Variants in PTPRT observed in about 807,000 individuals in gnomAD.
The protein encoded by PTPRT is receptor-type tyrosine-protein phosphatase T.
PTPRT carries 56 observed loss-of-function variants against 176.8 expected under a neutral mutation model. The ratio of observed to expected loss-of-function variants is 0.32; its 90% CI spans 0.26 to 0.40. The LOEUF is 0.40. Ranked by LOEUF, PTPRT falls within the 10% of genes least tolerant of loss-of-function variation. The pLI is 1.00. For missense variants in PTPRT, 1,540 were observed against 1,908.2 expected (o/e 0.81, Z 3.60); for synonymous variants, 783 against 739.0 (o/e 1.06, Z -0.96).
At chr20:43,133,123 G>T (rs2013700161) in intron 1 of PTPRT, among the ~76,000 whole-genome samples, 1 of 152,144 alleles carries the variant, frequency 6.6e-6, no homozygotes, top group African/African-American at 2.4e-5. Flanking sequence ...GGGGGTTCTG[G>T]AAATGTTCTA....
chr20:43,112,521 T>G (rs1488275111), intron 1 of PTPRT, among the ~76,000 whole-genome samples: 1 of 152,088 alleles, frequency 6.6e-6, no homozygotes, highest in Admixed American at 6.6e-5. Context: ...ATAATGAAAT[T>G]TGAGACTATG....
At position 42,811,149 on chromosome 20, in the gene PTPRT, T is replaced by C. The variant is rs142429959; in HGVS notation, c.215-19683A>G. ...TATTGTTATTGGGAAATGATACATATTCATTTTGAGGAATTCAAGAAATGC... is the reference window on the plus strand; with the variant it reads ...TATTGTTATTGGGAAATGATACATACTCATTTTGAGGAATTCAAGAAATGC... On this transcript the variant is annotated intron_variant, in intron 2 of 30. Coordinates refer to ENST00000373187, the MANE Select transcript of PTPRT (RefSeq NM_007050.6). Among the ~76,000 whole-genome samples, 16 of 152,316 alleles carry C rather than the reference T, an allele frequency of 1.1e-4. No homozygotes were observed. The East Asian group carries it at 3.1e-3, about 29-fold the overall frequency.
At chr20:43,070,278 C>A (rs922412543) in intron 1 of PTPRT, among the ~76,000 whole-genome samples, 1 of 152,094 alleles carries the variant, frequency 6.6e-6, no homozygotes, top group African/African-American at 2.4e-5. Context: ...CAATGAGATA[C>A]CATCTCACAC....
chr20:42,151,158 A>T (rs1174468325), intron 17 of PTPRT, among the ~76,000 whole-genome samples: 1 of 151,536 alleles, frequency 6.6e-6, no homozygotes, highest in Non-Finnish European at 1.5e-5. Context: ...TACTTTAAGT[A>T]AGTTCTGGGA....
chr20:42,598,499 G>A (rs1425418432), intron 7 of PTPRT, among the ~76,000 whole-genome samples: 4 of 152,162 alleles, frequency 2.6e-5, no homozygotes, highest in Non-Finnish European at 4.4e-5. Context: ...ATATAGATGA[G>A]AAGAAGAAAA....
chr20:42,504,982 T>C (rs1489762856), intron 7 of PTPRT, among the ~76,000 whole-genome samples: 4 of 152,236 alleles, frequency 2.6e-5, no homozygotes, highest in Non-Finnish European at 4.4e-5. Flanking sequence ...AGGTCCGATA[T>C]TCTGGGAGCT....
intron 16 of PTPRT, among the ~76,000 whole-genome samples, chr20:42,195,459 A>G (rs1369141568): frequency 2.0e-5 from 3 of 152,134 alleles, no homozygotes; most frequent in Admixed American, 1.3e-4. Flanking sequence ...TCTCATCTCC[A>G]GTGTAAGCAT....
chr20:42,196,744 T>C (rs974212779), intron 16 of PTPRT, among the ~76,000 whole-genome samples: 4 of 152,176 alleles, frequency 2.6e-5, no homozygotes, highest in Admixed American at 2.0e-4. Flanking sequence ...TTTATCTGGA[T>C]TGAAAATGGG....
chr20:42,263,612 C>A (rs1163973972), intron 13 of PTPRT, among the ~76,000 whole-genome samples: 1 of 151,212 alleles, frequency 6.6e-6, no homozygotes, highest in African/African-American at 2.4e-5. Context: ...AACTCCTGAC[C>A]TCATGATCCG....
chr20:42,851,176 C>A (rs1225009233), intron 2 of PTPRT, among the ~76,000 whole-genome samples: 1 of 152,124 alleles, frequency 6.6e-6, no homozygotes, highest in East Asian at 1.9e-4. Flanking sequence ...CTATTCTGTT[C>A]CCTGCACAGC....
chr20:42,474,711 C>T (rs913748021), intron 7 of PTPRT, among the ~76,000 whole-genome samples: 1 of 152,114 alleles, frequency 6.6e-6, no homozygotes, highest in Non-Finnish European at 1.5e-5. Context: ...GCAGTTGTAC[C>T]GACTGCAATG....
intron 6 of PTPRT, among the ~76,000 whole-genome samples, chr20:42,734,493 C>G (rs2076508322): frequency 6.6e-6 from 1 of 152,116 alleles, no homozygotes. Flanking sequence ...TGCCAGATAC[C>G]AAGACTTAGC....
chr20:42,350,223 T>TGTTGTTGTTG (rs1371553725), intron 11 of PTPRT, among the ~76,000 whole-genome samples: 9 of 59,086 alleles, frequency 1.5e-4, no homozygotes, highest in African/African-American at 5.1e-4. Context: ...TGTTTTTTTT[T>TGTTGTTGTTG]TTTTTTTTTT....
intron 1 of PTPRT, among the ~76,000 whole-genome samples, chr20:43,056,599 T>C (rs750170540): frequency 7.2e-5 from 11 of 152,140 alleles, no homozygotes; most frequent in Non-Finnish European, 1.2e-4. Context: ...TCTATTAAAA[T>C]TTTTCTGGGG....
intron 1 of PTPRT, among the ~76,000 whole-genome samples, chr20:43,152,669 G>T (rs867521951): frequency 6.6e-6 from 1 of 152,160 alleles, no homozygotes; most frequent in Non-Finnish European, 1.5e-5. Flanking sequence ...CAATGTAGAG[G>T]ATGATACTCA....
At chr20:43,141,103 C>A (rs1039702269) in intron 1 of PTPRT, among the ~76,000 whole-genome samples, 9 of 152,184 alleles carry the variant, frequency 5.9e-5, no homozygotes, top group African/African-American at 1.9e-4. Context: ...TTTAAGAAAT[C>A]CTGAAGCAAA....
At position 42,073,808 on chromosome 20, in the gene PTPRT, G is replaced by A; in HGVS notation, c.*7071C>T. Reference sequence around the variant, plus strand: ...ATTCGTGCTCTACAGGTATGAATGAGTTCAAACATGATCCCAGCTCCACAA... The same window carrying A: ...ATTCGTGCTCTACAGGTATGAATGAATTCAAACATGATCCCAGCTCCACAA... On this transcript the variant is annotated 3_prime_UTR_variant, in exon 31 of 31. Coordinates refer to ENST00000373187, the MANE Select transcript of PTPRT (RefSeq NM_007050.6). 2 of 224,762 alleles carry A rather than the reference G, an allele frequency of 8.9e-6. No individual in the cohort carries two copies. The highest frequency in any genetic ancestry group is 6.4e-5 in the East Asian group (1 of 15,604). 13.9% of individuals were successfully genotyped at this position (224,762 alleles called of 1,614,324 possible).
chr20:43,148,618 A>G (rs1348567255), intron 1 of PTPRT, among the ~76,000 whole-genome samples: 1 of 152,232 alleles, frequency 6.6e-6, no homozygotes, highest in Non-Finnish European at 1.5e-5. Context: ...TTAAAAGAAG[A>G]GGTGTTCCCA....
chr20:42,134,723 AT>A (rs771097222), intron 18 of PTPRT, among the ~76,000 whole-genome samples: 2 of 152,170 alleles, frequency 1.3e-5, no homozygotes, highest in Non-Finnish European at 2.9e-5. Flanking sequence ...ACCATGACCG[AT>A]TTCAAGCTAC....
Sources: allele counts gnomAD v4.1 joint callset (sites outside exome capture counted in the v4.1 genomes callset), GRCh38; gene constraint gnomAD v4.1.1; transcripts MANE v1.5; gene names NCBI Gene and HGNC (gene_info 2026-07-23, HGNC 2026-07-21).